PPP1R15B: variants seen among roughly 807,000 people sequenced by gnomAD.
PPP1R15B encodes protein phosphatase 1, regulatory (inhibitor) subunit 15B.
In PPP1R15B, 31 loss-of-function variants were observed where a neutral mutation model predicts 53.9. The ratio of observed to expected loss-of-function variants is 0.58; its 90% CI spans 0.43 to 0.78. The LOEUF (loss-of-function observed/expected upper bound fraction) is 0.78, where lower values mean the gene tolerates loss of function less well. Among genes scored for constraint, PPP1R15B ranks in the 30% least tolerant of loss-of-function variants. PPP1R15B has a pLI of 0.00. For synonymous variants in PPP1R15B, 345 were observed against 329.1 expected, an observed-to-expected ratio of 1.05 and a Z score of -0.52; for missense variants, 928 against 849.6, an observed-to-expected ratio of 1.09 and a Z score of -1.15.
Position 204,406,160 on chromosome 1 carries a change from T to G in PPP1R15B, c.2074A>C (p.Arg692=). Residue 692 remains arginine, a synonymous_variant, in exon 2 of 2, where the codon AGA becomes CGA. Coordinates refer to ENST00000367188, the MANE Select transcript of PPP1R15B (RefSeq NM_032833.5). ...TGGAGTCTATTAAACATTCTTTCTCTGTGTTCAAATGTCAAGCAATATCCA... is the reference window on the plus strand; with the variant it reads ...TGGAGTCTATTAAACATTCTTTCTCGGTGTTCAAATGTCAAGCAATATCCA... The part of the protein sequence containing the change: ...AIGYCLTFEH[R]ERMFNRLQGT... The G allele has an allele frequency of 6.2e-7, 1 of 1,614,170 alleles. No homozygotes were observed. Among genetic ancestry groups the G allele is most frequent in the African/African-American group, 1.3e-5 (1 of 75,058 alleles).
At chr1:204,396,834 A>C (rs1205830871), downstream of PPP1R15B, among the ~76,000 whole-genome samples, 1 of 152,202 alleles carries the variant, frequency 6.6e-6, no homozygotes, top group East Asian at 1.9e-4. Context: ...ACTTTCAGTG[A>C]GGAGGAATAA....
rs921494190 is a variant in PPP1R15B, at chr1:204,405,188, C to T, written c.*904G>A. ...CCAAAACCAAATTGCTCTGAGATGT[C>T]TCCTATTTTCTTTCTAGGAAATTTC... On this transcript the variant is annotated 3_prime_UTR_variant, in exon 2 of 2. Transcript: ENST00000367188. 6.1e-6 allele frequency: 6 copies of T among 985,110 alleles called. No homozygotes were observed. The highest frequency in any genetic ancestry group is 7.2e-6 in the Non-Finnish European group (6 of 829,278). The allele number at this position is 985,110 out of a possible 1,614,324, so 61.0% of individuals were successfully genotyped here. A position where few individuals can be genotyped will look rare whatever the true frequency, so the allele number is the denominator to read the frequency against.
downstream of PPP1R15B, among the ~76,000 whole-genome samples, chr1:204,396,227 G>A (rs1226145621): frequency 1.3e-5 from 2 of 151,892 alleles, no homozygotes; most frequent in African/African-American, 4.8e-5. Context: ...CAGATCAAAG[G>A]CCAGACGTGG....
At position 204,406,003 on chromosome 1, in the gene PPP1R15B, T is replaced by C; in HGVS notation, c.*89A>G. 5 of 1,488,520 alleles carry C rather than the reference T, an allele frequency of 3.4e-6. No individual in the cohort carries two copies. Among genetic ancestry groups the C allele is most frequent in the South Asian group, 2.8e-5 (2 of 71,960 alleles). The allele number at this position is 1,488,520 out of a possible 1,614,324, so 92.2% of individuals were successfully genotyped here. ...GTTACATTTCCTCTAAAAAAAAAAA[T>C]GTCAAAGGACAGCTGCCAAGATTTG... On this transcript the variant is annotated 3_prime_UTR_variant, in exon 2 of 2. Transcript: ENST00000367188.
At chr1:204,396,392 A>G (rs1365262281), downstream of PPP1R15B, among the ~76,000 whole-genome samples, 1 of 150,924 alleles carries the variant, frequency 6.6e-6, no homozygotes, top group East Asian at 1.9e-4. Flanking sequence ...ACAAAAAAAA[A>G]AAAACAAAAA....
chr1:204,402,024 A>G (rs1674186128), downstream of PPP1R15B, among the ~76,000 whole-genome samples: 1 of 152,264 alleles, frequency 6.6e-6, no homozygotes, highest in Admixed American at 6.5e-5. Context: ...ATGAAATATC[A>G]GGATAAGCAT....
Position 204,411,438 on chromosome 1 carries a change from T to A in PPP1R15B, c.-27A>T, listed in dbSNP as rs201766330. On this transcript the variant is annotated 5_prime_UTR_variant, in exon 1 of 2. Transcript: ENST00000367188. ...TCCTTTTTCTTGACAGTCTCTCAGGTAGGGCCGCGGCGCTCAGCGGCTGGA... is the reference window on the plus strand; with the variant it reads ...TCCTTTTTCTTGACAGTCTCTCAGGAAGGGCCGCGGCGCTCAGCGGCTGGA... 1.9e-6 allele frequency: 3 copies of A among 1,596,210 alleles called. No individual in the cohort carries two copies. The highest frequency in any genetic ancestry group is 3.4e-5 in the Admixed American group (2 of 58,692).
Position 204,405,572 on chromosome 1 carries a change from A to T in PPP1R15B, c.*520T>A. On this transcript the variant is annotated 3_prime_UTR_variant, in exon 2 of 2. Transcript: ENST00000367188. ...ATAATGCACTTTAAGTTGGTAGCAT[A>T]CACAAGGTTATTTTTTAGCCTAACA... 2 of 980,822 alleles carry T rather than the reference A, an allele frequency of 2.0e-6. No homozygotes were observed. The highest frequency in any genetic ancestry group is 9.4e-5 in the South Asian group (2 of 21,200). The allele number at this position is 980,822 out of a possible 1,614,324, so 60.8% of individuals were successfully genotyped here.
chr1:204,400,457 G>A (rs1674157212), downstream of PPP1R15B, among the ~76,000 whole-genome samples: 1 of 150,708 alleles, frequency 6.6e-6, no homozygotes, highest in Non-Finnish European at 1.5e-5. Context: ...CTACAGGCAT[G>A]CACTACCTTG....
rs1674337381 is a variant in PPP1R15B, at chr1:204,410,030, C to T, written c.1382G>A (p.Ser461Asn). ...TTCAAGGTCTGAGTCTGACAGTGAG[C>T]TATCACTATCAAAACCATCATCCTC... ...EAEDDGFDSD[S>N]SLSDSDLEQD... Residue 461 changes from serine to asparagine, a missense_variant, in exon 1 of 2, where the codon AGC becomes AAC. Physicochemically the swap from Ser to Asn is conservative, Grantham distance 46. Transcript: ENST00000367188. 6.2e-7 allele frequency: 1 copy of T among 1,613,814 alleles called. No individual in the cohort carries two copies. The highest frequency in any genetic ancestry group is 8.5e-7 in the Non-Finnish European group (1 of 1,179,692).
Position 204,410,337 on chromosome 1 carries a change from C to T in PPP1R15B, c.1075G>A (p.Glu359Lys), listed in dbSNP as rs750735589. 45 of 1,614,128 alleles carry T rather than the reference C, an allele frequency of 2.8e-5. No individual in the cohort carries two copies. Among genetic ancestry groups the T allele is most frequent in the Non-Finnish European group, 3.6e-5 (43 of 1,180,008 alleles). Residue 359 changes from glutamate to lysine, a missense_variant, in exon 1 of 2, where the codon GAA becomes AAA. Transcript: ENST00000367188. ...AATTCTATTTTTTCTTCAGTGGATT[C>T]CTGGGTGTTTCCAGGAATGTCTCCA... ...AAGDIPGNTQ[E>K]STEEKIELLT...
Position 204,405,276 on chromosome 1 carries a change from C to G in PPP1R15B, c.*816G>C. The stretch of plus-strand genomic sequence containing the variant: ...AATTATTACTTTCCAGAGTGTTTTG[C>G]AATAACTTCAACCTGTTAAGAGATA... On this transcript the variant is annotated 3_prime_UTR_variant, in exon 2 of 2. Transcript: ENST00000367188. The G allele has an allele frequency of 1.0e-6, 1 of 978,388 alleles. No individual in the cohort carries two copies. Among genetic ancestry groups the G allele is most frequent in the Non-Finnish European group, 1.2e-6 (1 of 823,256 alleles). The allele number at this position is 978,388 out of a possible 1,614,324, so 60.6% of individuals were successfully genotyped here. A position where few individuals can be genotyped will look rare whatever the true frequency, so the allele number is the denominator to read the frequency against.
rs2103444128 is a variant in PPP1R15B, at chr1:204,405,949, T to C, written c.*143A>G. ...CTGAATGTTTCTGAGTGGGATATGT[T>C]GCAAAAAAAAAAATTAAACTAGATC... On this transcript the variant is annotated 3_prime_UTR_variant, in exon 2 of 2. Coordinates refer to ENST00000367188, the MANE Select transcript of PPP1R15B (RefSeq NM_032833.5). 4.2e-6 allele frequency: 6 copies of C among 1,428,996 alleles called. No individual in the cohort carries two copies. Among genetic ancestry groups the C allele is most frequent in the Non-Finnish European group, 5.5e-6 (6 of 1,095,454 alleles). The allele number at this position is 1,428,996 out of a possible 1,614,324, so 88.5% of individuals were successfully genotyped here.
intron 1 of PPP1R15B, among the ~76,000 whole-genome samples, chr1:204,406,851 T>C (rs1674273949): frequency 6.6e-6 from 1 of 152,198 alleles, no homozygotes; most frequent in Non-Finnish European, 1.5e-5. Flanking sequence ...CATCTATATA[T>C]ACTTCATTTA....
intron 1 of PPP1R15B, among the ~76,000 whole-genome samples, chr1:204,406,906 A>G (rs752449150): frequency 4.7e-5 from 7 of 148,668 alleles, no homozygotes; most frequent in Admixed American, 6.6e-5. Context: ...GCCCCCCCCA[A>G]TCCCCCACCA....
At chr1:204,402,150 A>G (rs371394124), downstream of PPP1R15B, among the ~76,000 whole-genome samples, 4 of 152,118 alleles carry the variant, frequency 2.6e-5, no homozygotes, top group South Asian at 4.1e-4. Context: ...GGGGATGTCA[A>G]CTCAGTTTGT....
At chr1:204,407,950 G>A (rs1365733076) in intron 1 of PPP1R15B, among the ~76,000 whole-genome samples, 2 of 152,110 alleles carry the variant, frequency 1.3e-5, no homozygotes, top group African/African-American at 4.8e-5. Context: ...CTAGTTCATA[G>A]TCAATAGTAT....
downstream of PPP1R15B, among the ~76,000 whole-genome samples, chr1:204,402,764 G>A (rs1674198487): frequency 2.6e-5 from 4 of 151,494 alleles, 1 homozygote; most frequent in South Asian, 8.4e-4. Flanking sequence ...ACAATACCAT[G>A]ATTATCGTGA....
In PPP1R15B at chr1:204,404,283, A is replaced by C; in HGVS notation, c.*1809T>G. 1.1e-6 allele frequency: 1 copy of C among 897,888 alleles called. No individual in the cohort carries two copies. 55.6% of individuals were successfully genotyped at this position (897,888 alleles called of 1,614,324 possible). A position where few individuals can be genotyped will look rare whatever the true frequency, so the allele number is the denominator to read the frequency against. On this transcript the variant is annotated 3_prime_UTR_variant, in exon 2 of 2. Coordinates refer to ENST00000367188, the MANE Select transcript of PPP1R15B (RefSeq NM_032833.5). The stretch of plus-strand genomic sequence containing the variant: ...CGGATCACGAGGTCAGCAGTTCAAG[A>C]CCAGTCTGGCCAACATAGCGAAACC...
Sources: gnomAD v4.1 joint callset for allele counts (sites outside exome capture counted in the v4.1 genomes callset) on GRCh38, gnomAD v4.1.1 for gene constraint, MANE v1.5 for transcripts, NCBI Gene and HGNC (gene_info 2026-07-23, HGNC 2026-07-21) for gene names.